Variants in LRRC37B observed in about 807,000 individuals in gnomAD.
The protein encoded by LRRC37B is leucine-rich repeat-containing protein 37B.
A neutral mutation model predicts 98.3 loss-of-function variants in LRRC37B; 28 were observed. The observed-to-expected ratio is 0.28, with a 90% CI of 0.21 to 0.39. The LOEUF (loss-of-function observed/expected upper bound fraction) is 0.39. LRRC37B is among the 10% of genes least tolerant of loss of function. The pLI, the probability that LRRC37B is intolerant of heterozygous loss-of-function variation, is 1.00. For missense variants in LRRC37B, 938 were observed against 1,182.7 expected, an observed-to-expected ratio of 0.79 and a Z score of 3.03; for synonymous variants, 364 against 442.7, an observed-to-expected ratio of 0.82 and a Z score of 2.23.
At chr17:32,046,875 C>T (rs1253999645) in intron 8 of LRRC37B, among the ~76,000 whole-genome samples, 1 of 151,960 alleles carries the variant, frequency 6.6e-6, no homozygotes, top group African/African-American at 2.4e-5. Context: ...GCACACTTGA[C>T]CTTCATGCAG....
intron 1 of LRRC37B, among the ~76,000 whole-genome samples, chr17:32,013,710 A>ATGTGTGTG (rs141872427): frequency 0.019 from 2,888 of 148,124 alleles, 80 homozygotes; most frequent in African/African-American, 0.065. Flanking sequence ...ATAATTGTAT[A>ATGTGTGTG]TGTGTGTGTG....
chr17:32,021,384 T>G lies in LRRC37B; in HGVS notation c.319T>G (p.Ser107Ala), dbSNP rs1910773657. The G allele has an allele frequency of 6.2e-7, 1 of 1,613,888 alleles. No individual in the cohort carries two copies. Among genetic ancestry groups the G allele is most frequent in the South Asian group, 1.1e-5 (1 of 91,064 alleles). ...CTTTGATTACCTGGGGCCCTCTGCT[T>G]CTTCGCAGATGTCAGCCCTGCCTCA... is the stretch of plus-strand genomic sequence containing the variant. The change falls in exon 1 of 12, where the codon TCT becomes GCT. Residue 107 changes from serine (S) to alanine (A), a missense_variant. Ser to Ala is a moderately conservative substitution (Grantham distance 99, BLOSUM62 1). Around this residue, in one of 2 missense-constraint regions of LRRC37B, gnomAD observed 610 missense variants for 625.6 expected, o/e 0.98. Coordinates refer to ENST00000327564, the Ensembl canonical transcript of LRRC37B.
intron 10 of LRRC37B, 50 bp from the exon 14 acceptor site, chr17:32,049,952 TC>T: frequency 8.7e-7 from 1 of 1,143,314 alleles, no homozygotes; most frequent in Non-Finnish European, 1.3e-6. Flanking sequence ...ATTCTCTCTC[TC>T]TTTTTTTTTA....
intron 7 of LRRC37B, among the ~76,000 whole-genome samples, chr17:32,039,473 C>A (rs1911344930): frequency 1.5e-5 from 1 of 66,786 alleles, no homozygotes; most frequent in Non-Finnish European, 2.7e-5. Context: ...CAAGAACCTG[C>A]CTAAAAATAT....
intron 5 of LRRC37B, among the ~76,000 whole-genome samples, chr17:32,033,710 T>C (rs1911169737): frequency 6.6e-6 from 1 of 152,238 alleles, no homozygotes; most frequent in Non-Finnish European, 1.5e-5. Context: ...ACAGTGATGA[T>C]TCTTGGGTTA....
chr17:32,037,322 G>A (rs916138481), intron 7 of LRRC37B, among the ~76,000 whole-genome samples: 2 of 150,490 alleles, frequency 1.3e-5, no homozygotes, highest in African/African-American at 4.9e-5. Context: ...CTGAAGTGCA[G>A]CAGCAAGATC....
intron 1 of LRRC37B, among the ~76,000 whole-genome samples, chr17:32,014,001 A>G (rs1011554017): frequency 2.6e-5 from 4 of 152,148 alleles, no homozygotes; most frequent in African/African-American, 4.8e-5. Context: ...CTCAGCATTT[A>G]GTTTCCTCAA....
intron 11 of LRRC37B, chr17:32,052,746 C>T (rs558875683): frequency 1.3e-5 from 2 of 152,308 alleles, no homozygotes; most frequent in African/African-American, 4.8e-5. Context: ...GGGAGGCCAA[C>T]CTGGGCAGCA....
At chr17:32,032,379 A>AT (rs1911135328) in intron 5 of LRRC37B, among the ~76,000 whole-genome samples, 1 of 152,156 alleles carries the variant, frequency 6.6e-6, no homozygotes, top group Admixed American at 6.5e-5. Context: ...GCAAAAAAAA[A>AT]TTTTGTAAAG....
At chr17:32,011,328 C>G (rs1219530166) in intron 1 of LRRC37B, among the ~76,000 whole-genome samples, 3 of 151,762 alleles carry the variant, frequency 2.0e-5, no homozygotes, top group Non-Finnish European at 4.4e-5. Flanking sequence ...GAATAATATC[C>G]TATCGTGCAT....
upstream of LRRC37B, among the ~76,000 whole-genome samples, chr17:32,007,567 C>T (rs1304129669): frequency 6.6e-6 from 1 of 151,832 alleles, no homozygotes; most frequent in Non-Finnish European, 1.5e-5. This position sits in a 1 kb window ranked among gnomAD's most constrained non-coding sequence, Gnocchi z 4.1. Context: ...GCCCGGCCCT[C>T]CCCGTCAGCT....
intron 1 of LRRC37B, among the ~76,000 whole-genome samples, chr17:32,011,241 T>C (rs943082571): frequency 4.6e-5 from 7 of 152,174 alleles, no homozygotes; most frequent in African/African-American, 1.7e-4. Context: ...GTGATCCGCC[T>C]GCCTCAGCCT....
At chr17:32,039,738 G>A (rs1348628769) in intron 7 of LRRC37B, among the ~76,000 whole-genome samples, 2 of 150,532 alleles carry the variant, frequency 1.3e-5, no homozygotes, top group Non-Finnish European at 2.9e-5. Flanking sequence ...GCTGGTTGAG[G>A]GCATTATGCA....
chr17:32,040,498 G>A (rs1163777509), intron 7 of LRRC37B: 6 of 682,754 alleles, frequency 8.8e-6, no homozygotes, highest in African/African-American at 3.5e-5. Context: ...TGAGAAGGTC[G>A]GAGGGGCTGA....
chr17:32,045,862 G>A (rs1369439637), intron 8 of LRRC37B, 44 bp downstream of exon 11: 3 of 1,555,570 alleles, frequency 1.9e-6, no homozygotes, highest in Non-Finnish European at 2.6e-6. Flanking sequence ...ATTATTTTAA[G>A]TATTTGTTTT....
At chr17:32,034,089 G>A (rs1450620939) in intron 5 of LRRC37B, 1 of 152,126 alleles carries the variant, frequency 6.6e-6, no homozygotes, top group African/African-American at 2.4e-5. Context: ...GTATGGTTTT[G>A]ACCAGTTCCT....
Position 32,008,443 on chromosome 17 carries a change from T to C in LRRC37B, c.-191+311T>C, listed in dbSNP as rs376827536. On this transcript the variant is annotated intron_variant, in intron 1 of 14. Coordinates refer to the LRRC37B transcript ENST00000543378. ...TCTCCACCGGGCAGGATTGAAACTTTGGCAAACACATATCCATTGCATTCA... is the reference window on the plus strand; with the variant it reads ...TCTCCACCGGGCAGGATTGAAACTTCGGCAAACACATATCCATTGCATTCA... 9.6e-4 allele frequency among the ~76,000 whole-genome samples: 144 copies of C among 149,486 alleles called. 1 individual carries two copies. The highest frequency in any genetic ancestry group is 3.1e-3 in the African/African-American group (129 of 41,106).
chr17:32,049,285 A>C (rs1371617122), exon 10 of LRRC37B: 1 of 1,613,834 alleles, frequency 6.2e-7, no homozygotes, highest in South Asian at 1.1e-5. Flanking sequence ...CTCAGCGAGC[A>C]GCAGGAAGCA....
At chr17:32,027,826 A>G (rs369808244) in exon 3 of LRRC37B, 145 of 1,607,674 alleles carry the variant, frequency 9.0e-5, no homozygotes, top group Admixed American at 3.0e-4. Flanking sequence ...AAGGCCTGCT[A>G]TACCTCCAGT....
Sources: allele counts gnomAD v4.1 joint callset (sites outside exome capture counted in the v4.1 genomes callset), GRCh38; gene constraint gnomAD v4.1.1; regional missense constraint gnomAD v4.1.1; non-coding constraint Gnocchi (gnomAD v3.1); transcripts MANE v1.5; gene names NCBI Gene and HGNC (gene_info 2026-07-23, HGNC 2026-07-21).